ADARB1: variants seen among roughly 807,000 people sequenced by gnomAD.
ADARB1 encodes adenosine deaminase RNA specific B1.
Under a neutral mutation model 52.4 loss-of-function variants are expected in ADARB1, and 10 were observed. The observed-to-expected ratio is 0.19, with a 90% CI of 0.12 to 0.32. ADARB1 has a LOEUF of 0.32. Among genes scored for constraint, ADARB1 ranks in the 10% least tolerant of loss-of-function variants. The pLI, the probability that ADARB1 is intolerant of heterozygous loss-of-function variation, is 1.00. For synonymous variants in ADARB1, 349 were observed against 371.1 expected, an observed-to-expected ratio of 0.94 and a Z score of 0.68; for missense variants, 643 against 922.3, an observed-to-expected ratio of 0.70 and a Z score of 3.92.
At chr21:45,118,099 A>G (rs2087931840) in intron 1 of ADARB1, among the ~76,000 whole-genome samples, 1 of 152,242 alleles carries the variant, frequency 6.6e-6, no homozygotes, top group Admixed American at 6.5e-5. Context: ...CATTTATAGT[A>G]TTATGATAGT....
At position 45,220,663 on chromosome 21, in the gene ADARB1, A is replaced by G. The variant is rs938307251; in HGVS notation, c.1748-173A>G. Among the ~76,000 whole-genome samples, 1 of 152,174 alleles carries G rather than the reference A, an allele frequency of 6.6e-6. No individual in the cohort carries two copies. The highest frequency in any genetic ancestry group is 1.5e-5 in the Non-Finnish European group (1 of 68,032). ...ATTCTGGTGGCCGTGGAAGAGTGTG[A>G]GGCCACTGCCACGGCAGATGCACGC... On this transcript the variant is annotated intron_variant, in intron 9 of 10. Coordinates refer to ENST00000348831, the MANE Select transcript of ADARB1 (RefSeq NM_001112.4). The surrounding 1 kb of genome is among the most constrained non-coding windows in gnomAD (Gnocchi z 6.3).
At chr21:45,106,287 C>T (rs953555710) in intron 1 of ADARB1, among the ~76,000 whole-genome samples, 2 of 151,770 alleles carry the variant, frequency 1.3e-5, no homozygotes, top group East Asian at 1.9e-4. Context: ...CTGTGTTCAG[C>T]GTGGGTTGTG....
At chr21:45,132,105 A>G (rs921072425) in intron 2 of ADARB1, 3 of 152,258 alleles carry the variant, frequency 2.0e-5, no homozygotes, top group African/African-American at 7.2e-5. Flanking sequence ...AGCAAAGGTG[A>G]TGTTTTAGTA....
At chr21:45,120,114 G>A (rs1301244408) in intron 1 of ADARB1, among the ~76,000 whole-genome samples, 1 of 152,160 alleles carries the variant, frequency 6.6e-6, no homozygotes, top group Admixed American at 6.5e-5. Context: ...AATTCACTTC[G>A]TAGGTTACCA....
intron 1 of ADARB1, among the ~76,000 whole-genome samples, chr21:45,083,985 C>T (rs1433532890): frequency 6.6e-6 from 1 of 152,182 alleles, no homozygotes; most frequent in Non-Finnish European, 1.5e-5. Context: ...ACAGGCGGAG[C>T]CATTGCACCT....
At chr21:45,158,583 C>A (rs1372741243) in intron 2 of ADARB1, among the ~76,000 whole-genome samples, 3 of 152,008 alleles carry the variant, frequency 2.0e-5, no homozygotes, top group African/African-American at 7.3e-5. Flanking sequence ...GGAGGGACCT[C>A]CCCGAGGCCA....
rs561648278 is a variant in ADARB1 at position 45,208,251 on chromosome 21, C to A, written c.1747+3515C>A. Among the ~76,000 whole-genome samples the A allele has an allele frequency of 1.2e-4, 18 of 152,326 alleles. No individual in the cohort carries two copies. Among genetic ancestry groups the A allele is most frequent in the African/African-American group, 4.1e-4 (17 of 41,574 alleles). Reference sequence around the variant, plus strand: ...GAGCAGGGTGCCCAAATGCCGCATGCGATGGCTCTGGGGACCTTGTTGACA... The same window carrying A: ...GAGCAGGGTGCCCAAATGCCGCATGAGATGGCTCTGGGGACCTTGTTGACA... On this transcript the variant is annotated intron_variant, in intron 9 of 10. Transcript: ENST00000348831. This position sits in a 1 kb window ranked among gnomAD's most constrained non-coding sequence, Gnocchi z 5.6.
At chr21:45,152,571 G>A (rs2090347935) in intron 2 of ADARB1, 1 of 353,390 alleles carries the variant, frequency 2.8e-6, no homozygotes, top group African/African-American at 2.2e-5. Flanking sequence ...GGGACAGAAT[G>A]AGGCTGGGGC....
rs528015922 is a variant in ADARB1, at chr21:45,142,285, C to T, written c.-48+13712C>T. 6.6e-5 allele frequency among the ~76,000 whole-genome samples: 10 copies of T among 152,264 alleles called. No homozygotes were observed. Among genetic ancestry groups the T allele is most frequent in the Non-Finnish European group, 1.2e-4 (8 of 68,008 alleles). ...GCTATACTCATTTGAGAAGTGTAGA[C>T]TTTGATTTTTAACCCTAAGTTGCAT... On this transcript the variant is annotated intron_variant, in intron 2 of 10. Coordinates refer to ENST00000348831, the MANE Select transcript of ADARB1 (RefSeq NM_001112.4). This position sits in a 1 kb window ranked among gnomAD's most constrained non-coding sequence, Gnocchi z 4.0.
At chr21:45,114,055 T>C (rs192708508) in intron 1 of ADARB1, among the ~76,000 whole-genome samples, 1 of 152,348 alleles carries the variant, frequency 6.6e-6, no homozygotes, top group Non-Finnish European at 1.5e-5. Context: ...ATAAATATTA[T>C]GCTTAGTAGA....
At position 45,225,677 on chromosome 21, in the gene ADARB1, T is replaced by G; in HGVS notation, c.*3480T>G. ...ACAAACACATGTACAGTGGCTCTTT[T>G]TCCTTCTCAAACACTTTACCCCAGA... On this transcript the variant is annotated 3_prime_UTR_variant, in exon 11 of 11. Transcript: ENST00000348831. 2.1e-6 allele frequency: 2 copies of G among 934,804 alleles called. No homozygotes were observed. 57.9% of individuals were successfully genotyped at this position (934,804 alleles called of 1,614,324 possible).
chr21:45,079,928 G>T (rs925169693), intron 1 of ADARB1, among the ~76,000 whole-genome samples: 14 of 152,264 alleles, frequency 9.2e-5, no homozygotes, highest in South Asian at 4.1e-4. Context: ...GGGAGCTTTT[G>T]GCAAGCGGTC....
intron 1 of ADARB1, among the ~76,000 whole-genome samples, chr21:45,107,062 A>G (rs1193266446): frequency 6.6e-6 from 1 of 152,238 alleles, no homozygotes; most frequent in Non-Finnish European, 1.5e-5. Context: ...TAATATGCAA[A>G]CGTCAATGTT....
chr21:45,134,758 G>T (rs367651244), intron 2 of ADARB1: 1 of 532,040 alleles, frequency 1.9e-6, no homozygotes, highest in Non-Finnish European at 3.9e-6. Context: ...TTCATCCAGC[G>T]AGCATTGAGG....
chr21:45,203,176 C>T (rs2092596374), intron 8 of ADARB1, among the ~76,000 whole-genome samples: 1 of 152,182 alleles, frequency 6.6e-6, no homozygotes, highest in Non-Finnish European at 1.5e-5. Context: ...TCATCAAGCT[C>T]CTGGCTGCTT....
At chr21:45,156,441 GTCCA>G (rs1354818765) in intron 2 of ADARB1, among the ~76,000 whole-genome samples, 1 of 54,330 alleles carries the variant, frequency 1.8e-5, no homozygotes, top group Non-Finnish European at 3.9e-5. Flanking sequence ...TCATCCATTC[GTCCA>G]TCCATCCACC....
chr21:45,224,097 A>G lies in ADARB1; in HGVS notation c.*1900A>G. On this transcript the variant is annotated 3_prime_UTR_variant, in exon 11 of 11. Coordinates refer to ENST00000348831, the MANE Select transcript of ADARB1 (RefSeq NM_001112.4). ...CCCCAAGCAGGCTCTTGCACACTCT[A>G]GAAAAAACACCTTGTAAGTCTGTGC... 1.0e-6 allele frequency: 1 copy of G among 985,424 alleles called. No individual in the cohort carries two copies. The highest frequency in any genetic ancestry group is 1.2e-6 in the Non-Finnish European group (1 of 829,940). 61.0% of individuals were successfully genotyped at this position (985,424 alleles called of 1,614,324 possible).
At chr21:45,111,093 G>A (rs2087512599) in intron 1 of ADARB1, among the ~76,000 whole-genome samples, 1 of 152,126 alleles carries the variant, frequency 6.6e-6, no homozygotes, top group Admixed American at 6.5e-5. Flanking sequence ...AGGCGCAGCT[G>A]AGTGAAGCAT....
At chr21:45,101,121 C>T (rs1474393114) in intron 1 of ADARB1, 3 of 152,570 alleles carry the variant, frequency 2.0e-5, no homozygotes, top group Admixed American at 6.5e-5. Context: ...TCCGCGGTTA[C>T]GCGGGGTCCT....
Sources: allele counts gnomAD v4.1 joint callset (sites outside exome capture counted in the v4.1 genomes callset), GRCh38; gene constraint gnomAD v4.1.1; non-coding constraint Gnocchi (gnomAD v3.1); transcripts MANE v1.5; gene names NCBI Gene and HGNC (gene_info 2026-07-23, HGNC 2026-07-21).